The following MCUB variants were observed in gnomAD, a reference collection of about 807,000 sequenced individuals.
MCUB encodes mitochondrial calcium uniporter dominant negative subunit beta, also known as calcium uniporter regulatory subunit MCUb, mitochondrial.
Under a neutral mutation model 41.4 loss-of-function variants are expected in MCUB, and 46 were observed. The ratio of observed to expected loss-of-function variants is 1.11; its 90% CI spans 0.88 to 1.42. The LOEUF (loss-of-function observed/expected upper bound fraction) is 1.42, where lower values mean the gene tolerates loss of function less well. MCUB is among the 40% of genes most tolerant of loss of function. The pLI is 0.00. For missense variants in MCUB, 403 were observed against 404.9 expected (o/e 1.00, Z 0.04); for synonymous variants, 148 against 148.2 (o/e 1.00, Z 0.01).
At chr4:109,599,617 A>C (rs1727680685) in intron 1 of MCUB, among the ~76,000 whole-genome samples, 2 of 152,126 alleles carry the variant, frequency 1.3e-5, no homozygotes, top group South Asian at 4.1e-4. Flanking sequence ...GGCCCTAGAG[A>C]AAACTAGGCT....
At chr4:109,594,484 C>T (rs915676668) in intron 1 of MCUB, among the ~76,000 whole-genome samples, 5 of 152,198 alleles carry the variant, frequency 3.3e-5, no homozygotes, top group South Asian at 4.2e-4. Context: ...GGTGAAACCC[C>T]GTCTCTACTA....
chr4:109,654,431 T>G (rs1356434485), intron 1 of MCUB, among the ~76,000 whole-genome samples: 1 of 151,920 alleles, frequency 6.6e-6, no homozygotes, highest in Non-Finnish European at 1.5e-5. Flanking sequence ...GCCAATATGG[T>G]GAAACCCCAT....
chr4:109,592,397 G>A (rs1184555347), intron 1 of MCUB, among the ~76,000 whole-genome samples: 2 of 150,864 alleles, frequency 1.3e-5, no homozygotes, highest in African/African-American at 4.9e-5. Flanking sequence ...GTGACAGAAC[G>A]AGACTCTGTC....
intron 1 of MCUB, among the ~76,000 whole-genome samples, chr4:109,640,305 G>T (rs537061681): frequency 5.9e-5 from 9 of 152,226 alleles, no homozygotes; most frequent in Non-Finnish European, 8.8e-5. Context: ...GTTGCTTCAG[G>T]CCATCTGGAT....
chr4:109,632,899 G>A (rs1257130759), intron 1 of MCUB, among the ~76,000 whole-genome samples: 1 of 152,116 alleles, frequency 6.6e-6, no homozygotes, highest in Non-Finnish European at 1.5e-5. Context: ...ACAGGCATGA[G>A]CCACCACACC....
rs191330494 is a variant in MCUB at position 109,577,009 on chromosome 4, G to A, written c.99+16573G>A. Among the ~76,000 whole-genome samples, 514 of 152,126 alleles carry A rather than the reference G, an allele frequency of 3.4e-3. 3 individuals carry two copies. Among genetic ancestry groups the A allele is most frequent in the South Asian group, 0.012 (56 of 4,814 alleles). ...TGGGATTACAAGCATGTGCCACCAC[G>A]CCCAGCTAATTTTTGTATTTTTAGT... On this transcript the variant is annotated intron_variant, in intron 1 of 7. Transcript: ENST00000394650.
chr4:109,681,065 T>A (rs1729703890), intron 4 of MCUB, among the ~76,000 whole-genome samples: 1 of 152,192 alleles, frequency 6.6e-6, no homozygotes, highest in Admixed American at 6.5e-5. Flanking sequence ...CCTTTACTCT[T>A]AGTTCTTAGC....
chr4:109,676,615 T>C (rs1242673499), intron 4 of MCUB, among the ~76,000 whole-genome samples: 1 of 152,204 alleles, frequency 6.6e-6, no homozygotes, highest in Non-Finnish European at 1.5e-5. Context: ...CTTCTACCTT[T>C]TCAGGTATTT....
intron 4 of MCUB, among the ~76,000 whole-genome samples, chr4:109,677,873 G>T (rs1300120672): frequency 1.2e-4 from 16 of 138,584 alleles, no homozygotes; most frequent in Non-Finnish European, 2.0e-4. Context: ...AGAGGGGGAT[G>T]TGGCAGGGTC....
At chr4:109,683,780 T>C (rs1729769720) in intron 5 of MCUB, among the ~76,000 whole-genome samples, 2 of 152,226 alleles carry the variant, frequency 1.3e-5, no homozygotes, top group South Asian at 2.1e-4. Flanking sequence ...GTTTTGTGTA[T>C]GCAGGTATAT....
rs1726816415 is a variant in MCUB at position 109,567,763 on chromosome 4, A to T, written c.99+7327A>T. ...ACCCAGGCTGTAGTGCAGTGGCACG[A>T]TCTCAGCTCACTGCAACCTCCACCT... On this transcript the variant is annotated intron_variant, in intron 1 of 7. Transcript: ENST00000394650. 2.0e-5 allele frequency among the ~76,000 whole-genome samples: 3 copies of T among 151,966 alleles called. No individual in the cohort carries two copies. The South Asian group carries it at 6.2e-4, about 32-fold the overall frequency.
At chr4:109,574,283 C>T (rs1726980105) in intron 1 of MCUB, among the ~76,000 whole-genome samples, 1 of 152,156 alleles carries the variant, frequency 6.6e-6, no homozygotes, top group Non-Finnish European at 1.5e-5. Flanking sequence ...AAGGAAATTA[C>T]TCCCAAGATA....
chr4:109,572,810 T>G (rs1414087181), intron 1 of MCUB, among the ~76,000 whole-genome samples: 8 of 152,188 alleles, frequency 5.3e-5, no homozygotes, highest in Non-Finnish European at 1.0e-4. Flanking sequence ...TACTACAATA[T>G]AATTATTGCT....
chr4:109,664,935 A>G (rs1729311558), intron 4 of MCUB, among the ~76,000 whole-genome samples: 1 of 84,346 alleles, frequency 1.2e-5, no homozygotes, highest in Non-Finnish European at 2.3e-5. Context: ...TATAGCTCTT[A>G]ACTCTTGTAA....
At chr4:109,621,018 C>T (rs1429159737) in intron 1 of MCUB, among the ~76,000 whole-genome samples, 1 of 152,076 alleles carries the variant, frequency 6.6e-6, no homozygotes, top group Non-Finnish European at 1.5e-5. Flanking sequence ...CCTGCTTCAG[C>T]CTCCTGAGTA....
chr4:109,687,600 G>GT lies in MCUB; in HGVS notation c.*12dup, dbSNP rs1445999787. On this transcript the variant is annotated 3_prime_UTR_variant, in exon 8 of 8. Coordinates refer to ENST00000394650, the MANE Select transcript of MCUB (RefSeq NM_017918.5). ...CTCAATGAAAAGAATTAATCTTACAGTTTTAAATGTCGTCAGATTTTCCAT... is the reference window on the plus strand; with the variant it reads ...CTCAATGAAAAGAATTAATCTTACAGTTTTTAAATGTCGTCAGATTTTCCAT... 2.5e-6 allele frequency: 4 copies of GT among 1,575,256 alleles called. No homozygotes were observed. Among genetic ancestry groups the GT allele is most frequent in the Non-Finnish European group, 3.5e-6 (4 of 1,147,542 alleles).
Position 109,687,692 on chromosome 4 carries a change from G to A in MCUB, c.*100G>A. 5 of 731,576 alleles carry A rather than the reference G, an allele frequency of 6.8e-6. No homozygotes were observed. The South Asian group carries it at 8.7e-5, about 13-fold the overall frequency. 45.3% of individuals were successfully genotyped at this position (731,576 alleles called of 1,614,324 possible). On this transcript the variant is annotated 3_prime_UTR_variant, in exon 8 of 8. Coordinates refer to ENST00000394650, the MANE Select transcript of MCUB (RefSeq NM_017918.5). ...GGTTCATTTTGATTGTTTAATCTTTGTTATTAAATTCTTGTAAAACAGAAG... is the reference window on the plus strand; with the variant it reads ...GGTTCATTTTGATTGTTTAATCTTTATTATTAAATTCTTGTAAAACAGAAG...
intron 1 of MCUB, among the ~76,000 whole-genome samples, chr4:109,588,005 A>G (rs1483645993): frequency 1.3e-5 from 2 of 152,242 alleles, no homozygotes; most frequent in Non-Finnish European, 2.9e-5. Flanking sequence ...CAGAAACCTT[A>G]AAGTGTTGCG....
At chr4:109,611,762 A>G (rs1728013338) in intron 1 of MCUB, among the ~76,000 whole-genome samples, 2 of 152,156 alleles carry the variant, frequency 1.3e-5, no homozygotes, top group Non-Finnish European at 2.9e-5. Context: ...GATGATTTGA[A>G]GTCCATTTCT....
Sources: allele counts gnomAD v4.1 joint callset (sites outside exome capture counted in the v4.1 genomes callset), GRCh38; gene constraint gnomAD v4.1.1; transcripts MANE v1.5; gene names NCBI Gene and HGNC (gene_info 2026-07-23, HGNC 2026-07-21).